PIK3R2: variants seen among roughly 807,000 people sequenced by gnomAD.
PIK3R2 encodes phosphatidylinositol 3-kinase regulatory subunit beta.
A neutral mutation model predicts 78.5 loss-of-function variants in PIK3R2; 40 were observed. That is an observed-to-expected ratio of 0.51 (90% CI 0.40 to 0.66). PIK3R2 has a LOEUF of 0.66. Among genes scored for constraint, PIK3R2 ranks in the 30% least tolerant of loss-of-function variants. PIK3R2 has a pLI of 0.00. For missense variants in PIK3R2, 880 were observed against 1,026.6 expected (o/e 0.86, Z 1.95); for synonymous variants, 473 against 457.7 (o/e 1.03, Z -0.43).
chr19:18,163,469 A>G, intron 11 of PIK3R2, 81 bp downstream of exon 11: 1 of 1,472,636 alleles, frequency 6.8e-7, no homozygotes. Flanking sequence ...CCAACCCCAG[A>G]GGACTTGAGG....
intron 3 of PIK3R2, 82 bp downstream of exon 3, chr19:18,160,645 C>T (rs933617008): frequency 4.5e-6 from 5 of 1,120,848 alleles, no homozygotes; most frequent in Non-Finnish European, 6.6e-6. Flanking sequence ...ACAGGGCCTC[C>T]AAGCTCATGC....
At chr19:18,162,598 G>A in intron 9 of PIK3R2, 92 bp downstream of exon 9, 1 of 1,129,760 alleles carries the variant, frequency 8.9e-7, no homozygotes, top group Middle Eastern at 2.2e-4. Flanking sequence ...TTTCAAGAAT[G>A]GAGGGCCAGG....
Position 18,161,152 on chromosome 19 carries a change from G to A in PIK3R2, c.565G>A (p.Glu189Lys), listed in dbSNP as rs896846839. ...LALPAPLVTP[E>K]ASAEARRALR... ...ACTGCCCGCGCCGCTCGTGACCCCC[G>A]AGGCCTCGGCCGAGGCGCGCCGGGC... The change falls in exon 5 of 16, where the codon GAG (glutamate) becomes AAG (lysine). Residue 189 changes from glutamate to lysine, a missense_variant. Glu to Lys is a moderately conservative substitution (Grantham distance 56, BLOSUM62 1). Coordinates refer to ENST00000222254, the MANE Select transcript of PIK3R2 (RefSeq NM_005027.4). The surrounding 1 kb of genome is among the most constrained non-coding windows in gnomAD (Gnocchi z 5.3). 1.2e-5 allele frequency: 18 copies of A among 1,551,308 alleles called. No homozygotes were observed. The highest frequency in any genetic ancestry group is 1.8e-4 in the Middle Eastern group (1 of 5,500).
chr19:18,164,247 G>A (rs1233528825), intron 11 of PIK3R2, among the ~76,000 whole-genome samples: 2 of 152,228 alleles, frequency 1.3e-5, no homozygotes, highest in Non-Finnish European at 2.9e-5. Context: ...CCTGGGGAGT[G>A]TCCAGGATGA....
Position 18,162,018 on chromosome 19 carries a change from G to A in PIK3R2, c.868G>A (p.Glu290Lys), listed in dbSNP as rs762874163. Residue 290 changes from glutamate (E) to lysine (K), a missense_variant, in exon 7 of 16, where the codon GAA becomes AAA. Coordinates refer to ENST00000222254, the MANE Select transcript of PIK3R2 (RefSeq NM_005027.4). ...GCTGCTGGTGGAGAAGCTGCTTCAG[G>A]AACACTTGGAAGAGCAGGAGGTTGC... ...PALLVEKLLQ[E>K]HLEEQEVAPP... The A allele has an allele frequency of 2.0e-5, 33 of 1,613,916 alleles. No individual in the cohort carries two copies. Among genetic ancestry groups the A allele is most frequent in the Non-Finnish European group, 2.7e-5 (32 of 1,179,910 alleles).
chr19:18,162,747 A>T (rs1490848421), intron 9 of PIK3R2: 6 of 602,076 alleles, frequency 1.0e-5, no homozygotes, highest in Non-Finnish European at 1.7e-5. Flanking sequence ...AAAATTAGCC[A>T]GGCATGGTGA....
chr19:18,159,451 C>CT (rs961826087), intron 2 of PIK3R2, among the ~76,000 whole-genome samples: 10 of 151,276 alleles, frequency 6.6e-5, no homozygotes, highest in Non-Finnish European at 1.2e-4. Flanking sequence ...GCTTTCTCTT[C>CT]TTTTTTTTGA....
intron 2 of PIK3R2, 106 bp from the exon 3 acceptor site, chr19:18,160,365 G>A: frequency 1.4e-6 from 1 of 734,166 alleles, no homozygotes; most frequent in South Asian, 1.6e-5. Flanking sequence ...TGCCTGAGCT[G>A]GGCCCTGCCT....
At chr19:18,160,850 G>A (rs1016269072) in intron 3 of PIK3R2, 69 bp from the exon 4 acceptor site, 2 of 1,539,128 alleles carry the variant, frequency 1.3e-6, no homozygotes, top group Admixed American at 1.9e-5. Flanking sequence ...GGGGTTGAGC[G>A]GCCAGTCCAG....
rs763448968 is a variant in PIK3R2 at position 18,163,344 on chromosome 19, C to T, written c.1372C>T (p.Arg458Cys). Residue 458 changes from arginine to cysteine, a missense_variant, in exon 11 of 16, where the codon CGC becomes TGC. Physicochemically the swap from Arg to Cys is radical, Grantham distance 180. Transcript: ENST00000222254. ...TCACCAGCAGTACCAGGACAAGAGC[C>T]GCGAGTATGACCAGCTTTATGAAGA... ...VYHQQYQDKS[R>C]EYDQLYEEYT... is the part of the protein sequence containing the mutation. The T allele has an allele frequency of 1.9e-6, 3 of 1,613,980 alleles. No homozygotes were observed. The highest frequency in any genetic ancestry group is 2.5e-6 in the Non-Finnish European group (3 of 1,179,986).
chr19:18,157,763 T>A (rs1297865510), intron 2 of PIK3R2, among the ~76,000 whole-genome samples: 1 of 147,802 alleles, frequency 6.8e-6, no homozygotes, highest in Non-Finnish European at 1.5e-5. Flanking sequence ...GCGTTTTCGT[T>A]GCAGCTGGGC....
chr19:18,160,766 C>T (rs11670635), intron 3 of PIK3R2, 153 bp from the exon 4 acceptor site: 37,422 of 983,968 alleles, frequency 0.038, 890 homozygotes, highest in Middle Eastern at 0.06. Context: ...ACTGCATGTG[C>T]TGTGCCCTCT....
At position 18,164,081 on chromosome 19, in the gene PIK3R2, G is replaced by A. The variant is rs950924327; in HGVS notation, c.1416+693G>A. Among the ~76,000 whole-genome samples, 32 of 149,212 alleles carry A rather than the reference G, an allele frequency of 2.1e-4. No individual in the cohort carries two copies. In the East Asian group the frequency reaches 2.2e-3, roughly 10 times the overall value. ...GCAGAGATTGCAATGAGCCAAGATC[G>A]TGCTACTACACTCCAGCCTGGGTGA... is the stretch of plus-strand genomic sequence containing the variant. On this transcript the variant is annotated intron_variant, in intron 11 of 15. Transcript: ENST00000222254.
Position 18,168,999 on chromosome 19 carries a change from C to G in PIK3R2, c.1980-88C>G. Reference sequence around the variant, plus strand: ...GGGAAGGAGTCCCTGGTGGGGTCATCCGGGACAGGGGAGCACGCGGCCCTG... The same window carrying G: ...GGGAAGGAGTCCCTGGTGGGGTCATGCGGGACAGGGGAGCACGCGGCCCTG... On this transcript the variant is annotated intron_variant, in intron 15 of 15. Coordinates refer to ENST00000222254, the MANE Select transcript of PIK3R2 (RefSeq NM_005027.4). This position sits in a 1 kb window ranked among gnomAD's most constrained non-coding sequence, Gnocchi z 4.1. 1.3e-6 allele frequency: 2 copies of G among 1,558,984 alleles called. No homozygotes were observed. Among genetic ancestry groups the G allele is most frequent in the South Asian group, 1.1e-5 (1 of 87,506 alleles).
Position 18,166,854 on chromosome 19 carries a change from G to A in PIK3R2, c.1560-276G>A, listed in dbSNP as rs80073540. On this transcript the variant is annotated intron_variant, in intron 12 of 15. Transcript: ENST00000222254. ...GTAGGTCCTTGAGAAAACCCTGGAG[G>A]CCGGGTGCAGTGGCTCATTCCTGCA... Among the ~76,000 whole-genome samples the A allele has an allele frequency of 6.6e-5, 10 of 152,206 alleles. No homozygotes were observed. In the East Asian group the frequency reaches 1.9e-3, roughly 29 times the overall value.
intron 1 of PIK3R2, among the ~76,000 whole-genome samples, chr19:18,153,866 TC>T (rs2043648997): frequency 6.6e-6 from 1 of 152,128 alleles, no homozygotes; most frequent in East Asian, 1.9e-4. Context: ...TTTCTGGGCA[TC>T]CCCTCTCGGG....
At chr19:18,166,601 C>T (rs2043813108) in intron 12 of PIK3R2, among the ~76,000 whole-genome samples, 1 of 151,052 alleles carries the variant, frequency 6.6e-6, no homozygotes, top group Admixed American at 6.6e-5. Flanking sequence ...GTCCCAGCTA[C>T]TTGGGAGGCT....
In PIK3R2 at chr19:18,163,476, G is replaced by A. The variant is rs575257649; in HGVS notation, c.1416+88G>A. Reference sequence around the variant, plus strand: ...CAGGATGACCAACCCCAGAGGACTTGAGGATGAATATCCAGTTGCAGGTCA... The same window carrying A: ...CAGGATGACCAACCCCAGAGGACTTAAGGATGAATATCCAGTTGCAGGTCA... On this transcript the variant is annotated intron_variant, in intron 11 of 15. Coordinates refer to ENST00000222254, the MANE Select transcript of PIK3R2 (RefSeq NM_005027.4). The A allele has an allele frequency of 1.8e-4, 256 of 1,429,200 alleles. No individual in the cohort carries two copies. The African/African-American group carries it at 3.1e-3, about 17-fold the overall frequency. 88.5% of individuals were successfully genotyped at this position (1,429,200 alleles called of 1,614,324 possible). A position where few individuals can be genotyped will look rare whatever the true frequency, so the allele number is the denominator to read the frequency against.
chr19:18,153,747 C>A (rs962718661), intron 1 of PIK3R2, among the ~76,000 whole-genome samples: 2 of 152,182 alleles, frequency 1.3e-5, no homozygotes, highest in Non-Finnish European at 2.9e-5. Flanking sequence ...CCCGCGGAGC[C>A]CCCAGCCCTG....
Sources: allele counts gnomAD v4.1 joint callset (sites outside exome capture counted in the v4.1 genomes callset), GRCh38; gene constraint gnomAD v4.1.1; non-coding constraint Gnocchi (gnomAD v3.1); transcripts MANE v1.5; gene names NCBI Gene and HGNC (gene_info 2026-07-23, HGNC 2026-07-21).